Variants in LAMC3 observed in about 807,000 individuals in gnomAD.
LAMC3 encodes laminin subunit gamma 3.
A neutral mutation model predicts 173.8 loss-of-function variants in LAMC3; 128 were observed. That is an observed-to-expected ratio of 0.74 (90% CI 0.64 to 0.85). The LOEUF is 0.85. Among genes scored for constraint, LAMC3 ranks in the 40% least tolerant of loss-of-function variants. LAMC3 has a pLI of 0.00. For missense variants in LAMC3, 2,022 were observed against 2,156.0 expected (o/e 0.94, Z 1.23); for synonymous variants, 897 against 909.1 (o/e 0.99, Z 0.24).
At chr9:131,043,790 T>C (rs1030042352) in intron 7 of LAMC3, among the ~76,000 whole-genome samples, 10 of 152,144 alleles carry the variant, frequency 6.6e-5, no homozygotes, top group Non-Finnish European at 1.5e-4. Context: ...AATGCTGACA[T>C]TGGTGGGCAG....
chr9:131,052,633 G>A lies in LAMC3; in HGVS notation c.1773G>A (p.Leu591=). The change falls in exon 10 of 28, where the codon CTG becomes CTA. Residue 591 remains leucine, a synonymous_variant. Coordinates refer to ENST00000361069, the MANE Select transcript of LAMC3 (RefSeq NM_006059.4). ...CCCTGTCCCTGAGGCACTCTAGCCT[G>A]TCTGGCCCCCAGGATGCCGGGCATC... ...GLALSLRHSS[L]SGPQDAGHPR... 6.2e-7 allele frequency: 1 copy of A among 1,613,984 alleles called. No homozygotes were observed. The highest frequency in any genetic ancestry group is 1.1e-5 in the South Asian group (1 of 91,082).
intron 13 of LAMC3, among the ~76,000 whole-genome samples, chr9:131,062,120 T>C (rs1454625706): frequency 6.6e-6 from 1 of 152,078 alleles, no homozygotes; most frequent in Non-Finnish European, 1.5e-5. Context: ...CCCAGCACTT[T>C]GGGAGGCTGA....
intron 20 of LAMC3, 22 bp from the exon 21 acceptor site, chr9:131,075,809 T>C: frequency 6.2e-7 from 1 of 1,604,490 alleles, no homozygotes; most frequent in Non-Finnish European, 8.5e-7. Flanking sequence ...TTGGTAATGC[T>C]CAGGTGGGTG....
In LAMC3 at chr9:131,038,974, C is replaced by T; in HGVS notation, c.1087C>T (p.His363Tyr). The T allele has an allele frequency of 6.2e-7, 1 of 1,613,582 alleles. No individual in the cohort carries two copies. Among genetic ancestry groups the T allele is most frequent in the Non-Finnish European group, 8.5e-7 (1 of 1,180,036 alleles). Residue 363 changes from histidine to tyrosine, a missense_variant, in exon 5 of 28, where the codon CAC becomes TAC. Coordinates refer to ENST00000361069, the MANE Select transcript of LAMC3 (RefSeq NM_006059.4). ...HHCRDHTAGPHCERCQENFYH... is the reference protein window; with the variant it reads ...HHCRDHTAGPYCERCQENFYH... ...CTGCCGTGACCACACAGCTGGGCCA[C>T]ACTGTGAGCGCTGTCAGGAGAATTT...
chr9:131,038,916 C>G lies in LAMC3; in HGVS notation c.1029C>G (p.Phe343Leu), dbSNP rs900498811. 1.2e-6 allele frequency: 2 copies of G among 1,613,476 alleles called. No individual in the cohort carries two copies. The highest frequency in any genetic ancestry group is 1.7e-6 in the Non-Finnish European group (2 of 1,180,034). Residue 343 changes from phenylalanine to leucine, a missense_variant, in exon 5 of 28, where the codon TTC (phenylalanine) becomes TTG (leucine). Physicochemically the swap from Phe to Leu is conservative, Grantham distance 22. Coordinates refer to ENST00000361069, the MANE Select transcript of LAMC3 (RefSeq NM_006059.4). The part of the protein sequence containing the change: ...SEECTFDREL[F>L]RSTGHGGRCH... Reference sequence around the variant, plus strand: ...AATGCACGTTTGATCGGGAGCTCTTCCGCAGCACAGGCCACGGCGGGCGCT... The same window carrying G: ...AATGCACGTTTGATCGGGAGCTCTTGCGCAGCACAGGCCACGGCGGGCGCT...
intron 13 of LAMC3, among the ~76,000 whole-genome samples, chr9:131,063,586 G>A (rs4740402): frequency 0.37 from 56,330 of 151,944 alleles, 10,633 homozygotes; most frequent in South Asian, 0.4. Flanking sequence ...CTGAGTCAGG[G>A]TTGACCGGGG....
rs1399742553 is a variant in LAMC3, at chr9:131,009,392, G to T, written c.178G>T (p.Asp60Tyr). The change falls in exon 1 of 28, where the codon GAC becomes TAC. Residue 60 changes from aspartate (D) to tyrosine (Y), a missense_variant. Transcript: ENST00000361069. This position sits in a 1 kb window ranked among gnomAD's most constrained non-coding sequence, Gnocchi z 4.3. ...ASHTCGSPPE[D>Y]FCPHVGAAGA... ...GCACACGTGCGGCAGCCCGCCCGAG[G>T]ACTTCTGTCCCCACGTGGGCGCCGC... The T allele has an allele frequency of 5.9e-6, 9 of 1,532,980 alleles. No individual in the cohort carries two copies. The highest frequency in any genetic ancestry group is 7.9e-6 in the Non-Finnish European group (9 of 1,143,162). The allele number at this position is 1,532,980 out of a possible 1,614,324, so 95.0% of individuals were successfully genotyped here. A position where few individuals can be genotyped will look rare whatever the true frequency, so the allele number is the denominator to read the frequency against.
rs1289069038 is a variant in LAMC3, at chr9:131,052,563, A to ACTCCCCACTCCCTGTACAG, written c.1706_1724dup (p.Arg576ProfsTer21). ...CTGACCTTCCGGGTGCCCCCCGGGG[A>ACTCCCCACTCCCTGTACAG]CTCCCCACTCCCTGTACAGCTGAGG... is the stretch of plus-strand genomic sequence containing the variant. On this transcript the variant is annotated frameshift_variant, in exon 10 of 28. Transcript: ENST00000361069. LOFTEE classifies it high-confidence loss of function. 1.9e-6 allele frequency: 3 copies of ACTCCCCACTCCCTGTACAG among 1,613,152 alleles called. No homozygotes were observed. The highest frequency in any genetic ancestry group is 1.7e-6 in the Non-Finnish European group (2 of 1,179,706).
At chr9:131,074,509 A>G (rs1830089636) in intron 20 of LAMC3, among the ~76,000 whole-genome samples, 1 of 151,866 alleles carries the variant, frequency 6.6e-6, no homozygotes. Flanking sequence ...CAGCCTGGCC[A>G]ACATGGTAAA....
chr9:131,042,875 C>T (rs1186969950), intron 7 of LAMC3, among the ~76,000 whole-genome samples: 2 of 151,770 alleles, frequency 1.3e-5, no homozygotes, highest in African/African-American at 4.9e-5. Flanking sequence ...CTATCACAAC[C>T]CTCCCCTTTC....
chr9:131,072,815 G>C lies in LAMC3; in HGVS notation c.3397G>C (p.Ala1133Pro), dbSNP rs984373477. Reference protein sequence around the residue: ...ESSEEEILHAAAILASLEIPQ... With the variant: ...ESSEEEILHAPAILASLEIPQ... ...CTCGGAAGAGGAGATTCTGCATGCA[G>C]CTGCCATTCTCGCGTCTCTGGTATC... Residue 1133 changes from alanine to proline, a missense_variant, in exon 19 of 28, where the codon GCT becomes CCT. Transcript: ENST00000361069. The C allele has an allele frequency of 6.2e-7, 1 of 1,612,218 alleles. No individual in the cohort carries two copies. The highest frequency in any genetic ancestry group is 8.5e-7 in the Non-Finnish European group (1 of 1,179,332).
At chr9:131,048,529 C>T (rs887083823) in intron 8 of LAMC3, among the ~76,000 whole-genome samples, 3 of 152,282 alleles carry the variant, frequency 2.0e-5, no homozygotes, top group East Asian at 1.9e-4. Context: ...TAAGGTCACT[C>T]GCTGTGTGCT....
At chr9:131,024,093 G>A (rs1227773782) in intron 1 of LAMC3, among the ~76,000 whole-genome samples, 3 of 150,154 alleles carry the variant, frequency 2.0e-5, no homozygotes, top group East Asian at 3.9e-4. Flanking sequence ...GGCTCTTCTA[G>A]TGCAAAGTCC....
chr9:131,078,608 G>T (rs2133338499), intron 22 of LAMC3, among the ~76,000 whole-genome samples: 1 of 152,382 alleles, frequency 6.6e-6, no homozygotes, highest in Non-Finnish European at 1.5e-5. Context: ...TGCGTGCGGA[G>T]AGTAATGCAC....
chr9:131,023,522 G>A (rs1833665643), intron 1 of LAMC3, among the ~76,000 whole-genome samples: 1 of 152,180 alleles, frequency 6.6e-6, no homozygotes, highest in Non-Finnish European at 1.5e-5. Flanking sequence ...TTCCCTGCTG[G>A]CCAATGATGT....
At chr9:131,031,262 G>T (rs1353364921) in intron 2 of LAMC3, among the ~76,000 whole-genome samples, 1 of 152,202 alleles carries the variant, frequency 6.6e-6, no homozygotes, top group Non-Finnish European at 1.5e-5. Flanking sequence ...TGCTGCTGCT[G>T]CTCACAGCAG....
rs1334810820 is a variant in LAMC3, at chr9:131,031,124, G to A, written c.679-921G>A. On this transcript the variant is annotated intron_variant, in intron 2 of 27. Coordinates refer to ENST00000361069, the MANE Select transcript of LAMC3 (RefSeq NM_006059.4). ...CGAGCTCTCGGGGAGCAGGAGGGCC[G>A]TCGGCCTGAGTCACGCTGGGGCAAA... Among the ~76,000 whole-genome samples the A allele has an allele frequency of 3.9e-5, 6 of 152,372 alleles. No homozygotes were observed. The East Asian group carries it at 5.8e-4, about 15-fold the overall frequency.
At position 131,041,847 on chromosome 9, in the gene LAMC3, T is replaced by G. The variant is rs144924879; in HGVS notation, c.1382+112T>G. 1.2e-5 allele frequency: 10 copies of G among 868,416 alleles called. No homozygotes were observed. In the African/African-American group the frequency reaches 1.6e-4, roughly 14 times the overall value. The allele number at this position is 868,416 out of a possible 1,614,324, so 53.8% of individuals were successfully genotyped here. On this transcript the variant is annotated intron_variant, in intron 7 of 27. Coordinates refer to ENST00000361069, the MANE Select transcript of LAMC3 (RefSeq NM_006059.4). ...AGCAAGGGGCACGGTCTTCATGGAC[T>G]TGGGTGACCTTGTCACCCTGTGCCC...
intron 1 of LAMC3, among the ~76,000 whole-genome samples, chr9:131,017,442 G>C (rs2133210265): frequency 6.6e-6 from 1 of 152,210 alleles, no homozygotes; most frequent in South Asian, 2.1e-4. Context: ...GAGTTAATTA[G>C]AGGCCGGGTG....
Sources: gnomAD v4.1 joint callset for allele counts (sites outside exome capture counted in the v4.1 genomes callset) on GRCh38, gnomAD v4.1.1 for gene constraint, Gnocchi (gnomAD v3.1) non-coding constraint, MANE v1.5 for transcripts, NCBI Gene and HGNC (gene_info 2026-07-23, HGNC 2026-07-21) for gene names.